Variants in GOT1L1 observed in about 807,000 individuals in gnomAD.
GOT1L1 encodes the protein aspartate aminotransferase, cytoplasmic 2.
GOT1L1 carries 38 observed loss-of-function variants against 43.6 expected under a neutral mutation model. The ratio of observed to expected loss-of-function variants is 0.87; its 90% CI spans 0.67 to 1.14. GOT1L1 has a LOEUF of 1.14. Among genes scored for constraint, GOT1L1 ranks in the 50% most tolerant of loss-of-function variants. The pLI, the probability that GOT1L1 is intolerant of heterozygous loss-of-function variation, is 0.00. For missense variants in GOT1L1, 482 were observed against 504.0 expected (o/e 0.96, Z 0.42); for synonymous variants, 183 against 187.2 (o/e 0.98, Z 0.18).
Position 37,937,553 on chromosome 8 carries a change from G to A in GOT1L1, c.409+85C>T, listed in dbSNP as rs1807796715. 3 of 1,114,008 alleles carry A rather than the reference G, an allele frequency of 2.7e-6. No homozygotes were observed. In the Admixed American group the frequency reaches 6.0e-5, roughly 22 times the overall value. 69.0% of individuals were successfully genotyped at this position (1,114,008 alleles called of 1,614,324 possible). ...CATTTTGCTCATGACAGAGAATGAG[G>A]GATAACAGTGAAGATGGCAAATGGG... On this transcript the variant is annotated intron_variant, in intron 3 of 8. Coordinates refer to ENST00000307599, the MANE Select transcript of GOT1L1 (RefSeq NM_152413.3).
In GOT1L1 at chr8:37,937,047, T is replaced by A; in HGVS notation, c.530A>T (p.His177Leu). Residue 177 changes from histidine to leucine, a missense_variant, in exon 5 of 9, where the codon CAT becomes CTT. Physicochemically the swap from His to Leu is moderately conservative, Grantham distance 99. Transcript: ENST00000307599. ...ILLNVVEQIP[H>L]GCVLVMGNII... ...GTTCCCCATCACAAGGACACAGCCA[T>A]GTGGGATCTGCTGCAGGTACAGACG... 1 of 1,613,762 alleles carries A rather than the reference T, an allele frequency of 6.2e-7. No individual in the cohort carries two copies. The highest frequency in any genetic ancestry group is 1.1e-5 in the South Asian group (1 of 91,076).
intron 6 of GOT1L1, 102 bp downstream of exon 6, chr8:37,936,618 T>A (rs1411642435): frequency 1.5e-5 from 16 of 1,061,992 alleles, no homozygotes; most frequent in Non-Finnish European, 2.1e-5. Context: ...CTCCCTAGAG[T>A]CCTTGGCTCC....
chr8:37,940,021 G>A lies in GOT1L1; in HGVS notation c.9C>T (p.Thr3=). The A allele has an allele frequency of 1.9e-6, 3 of 1,612,958 alleles. No homozygotes were observed. The highest frequency in any genetic ancestry group is 2.5e-6 in the Non-Finnish European group (3 of 1,179,362). ...GGGGCACATCCATGAACACTGAAAG[G>A]GTGGGCATAACTGAAACGAAACTGG... MP[T]LSVFMDVPLA... is the part of the protein sequence containing the mutation. The change falls in exon 1 of 9, where the codon ACC becomes ACT. Residue 3 remains threonine, a synonymous_variant. Coordinates refer to ENST00000307599, the MANE Select transcript of GOT1L1 (RefSeq NM_152413.3).
chr8:37,937,654 G>T lies in GOT1L1; in HGVS notation c.393C>A (p.Ile131=), dbSNP rs1292689508. ...AWHKDARIVY[I]ISSQKELHGL... ...AAGACTAACCTTTTTGAGAAGAGAT[G>T]ATGTAAACTATACGAGCATCCTTAT... The change falls in exon 3 of 9, where the codon ATC becomes ATA. Residue 131 remains isoleucine (I), a synonymous_variant. Transcript: ENST00000307599. The T allele has an allele frequency of 3.1e-6, 5 of 1,609,210 alleles. No homozygotes were observed. The highest frequency in any genetic ancestry group is 4.2e-6 in the Non-Finnish European group (5 of 1,176,930).
chr8:37,939,431 AATATATAT>A (rs1188997870), intron 1 of GOT1L1, among the ~76,000 whole-genome samples: 43 of 41,614 alleles, frequency 1.0e-3, no homozygotes, highest in African/African-American at 3.2e-3. Context: ...AAAAAAAAAA[AATATATAT>A]ATATATATAT....
chr8:37,935,836 A>G lies in GOT1L1; in HGVS notation c.797T>C (p.Val266Ala), dbSNP rs377607888. The G allele has an allele frequency of 1.2e-6, 2 of 1,613,014 alleles. No homozygotes were observed. Among genetic ancestry groups the G allele is most frequent in the Non-Finnish European group, 1.7e-6 (2 of 1,179,454 alleles). The change falls in exon 7 of 9, where the codon GTC (valine) becomes GCC (alanine). Residue 266 changes from valine (V) to alanine (A), a missense_variant. Val to Ala is a moderately conservative substitution (Grantham distance 64). Transcript: ENST00000307599. ...GACACACAGCAGCTGCTGGTTGTTG[A>G]CTGCCACCACCACTAGCATCCCCAC... is the stretch of plus-strand genomic sequence containing the variant. Reference protein sequence around the residue: ...EGVGMLVVVAVNNQQLLCVLS... With the variant: ...EGVGMLVVVAANNQQLLCVLS...
rs1188997870 is a variant in GOT1L1 at position 37,939,431 on chromosome 8, A to AATATATATATAT, written c.115+472_115+483dup. ...CCTGTCTCAAGAAAAAAAAAAAAAA[A>AATATATATATAT]ATATATATATATATATATATATATA... On this transcript the variant is annotated intron_variant, in intron 1 of 8. Transcript: ENST00000307599. Among the ~76,000 whole-genome samples the AATATATATATAT allele has an allele frequency of 1.4e-3, 59 of 41,632 alleles. 1 individual carries two copies. The highest frequency in any genetic ancestry group is 0.017 in the Middle Eastern group (1 of 58). The allele number at this position is 41,632 out of a possible 152,430, so 27.3% of individuals were successfully genotyped here. A position where few individuals can be genotyped will look rare whatever the true frequency, so the allele number is the denominator to read the frequency against.
At chr8:37,936,891 A>G in intron 5 of GOT1L1, 21 bp from the exon 6 acceptor site, 1 of 1,612,022 alleles carries the variant, frequency 6.2e-7, no homozygotes, top group Non-Finnish European at 8.5e-7. Flanking sequence ...AAGGAGAACA[A>G]AAAAAGAATG....
chr8:37,936,581 G>A, intron 6 of GOT1L1, 139 bp downstream of exon 6: 1 of 702,358 alleles, frequency 1.4e-6, no homozygotes, highest in Non-Finnish European at 2.3e-6. Context: ...CTAGCTCAGT[G>A]CTCCCCACTT....
intron 1 of GOT1L1, among the ~76,000 whole-genome samples, chr8:37,939,431 A>AATATATATATATATATATAT (rs1188997870): frequency 2.4e-5 from 1 of 41,694 alleles, no homozygotes; most frequent in Non-Finnish European, 4.6e-5. Context: ...AAAAAAAAAA[A>AATATATATATATATATATAT]ATATATATAT....
At chr8:37,938,405 T>C (rs1009436407) in intron 2 of GOT1L1, among the ~76,000 whole-genome samples, 2 of 152,020 alleles carry the variant, frequency 1.3e-5, no homozygotes, top group African/African-American at 4.8e-5. Context: ...TCAAAAAATA[T>C]ATATAATAGG....
chr8:37,938,595 C>A, intron 2 of GOT1L1, 105 bp downstream of exon 2: 2 of 985,806 alleles, frequency 2.0e-6, no homozygotes, highest in South Asian at 3.5e-5. Context: ...TCTCTTTTAT[C>A]AATACCAGGG....
chr8:37,934,371 A>C lies in GOT1L1; in HGVS notation c.1188T>G (p.Asn396Lys). 3.1e-6 allele frequency: 5 copies of C among 1,613,056 alleles called. No homozygotes were observed. The highest frequency in any genetic ancestry group is 4.2e-6 in the Non-Finnish European group (5 of 1,179,072). Reference protein sequence around the residue: ...NNINYITEGINEAVLLTESSE... With the variant: ...NNINYITEGIKEAVLLTESSE... ...AGCTCTCTGTGAGGAGGACAGCCTCATTGATGCCCTCAGTGATGTAATTTA... is the reference window on the plus strand; with the variant it reads ...AGCTCTCTGTGAGGAGGACAGCCTCCTTGATGCCCTCAGTGATGTAATTTA... Residue 396 changes from asparagine to lysine, a missense_variant, in exon 9 of 9, where the codon AAT becomes AAG. Coordinates refer to ENST00000307599, the MANE Select transcript of GOT1L1 (RefSeq NM_152413.3).
intron 4 of GOT1L1, 43 bp from the exon 5 acceptor site, chr8:37,937,100 G>T: frequency 1.3e-6 from 2 of 1,578,580 alleles, no homozygotes; most frequent in Non-Finnish European, 1.7e-6. Flanking sequence ...CCCCACCCAG[G>T]AGTGGCGGCC....
intron 8 of GOT1L1, among the ~76,000 whole-genome samples, 171 bp from the exon 9 acceptor site, chr8:37,934,657 G>A (rs1807696907): frequency 1.3e-5 from 2 of 151,942 alleles, no homozygotes; most frequent in South Asian, 4.2e-4. Flanking sequence ...TGCAACCTTC[G>A]CCTCCCAGGT....
At chr8:37,936,271 C>T (rs997125067) in intron 6 of GOT1L1, among the ~76,000 whole-genome samples, 8 of 151,912 alleles carry the variant, frequency 5.3e-5, no homozygotes, top group African/African-American at 1.5e-4. Flanking sequence ...CTCAGCCCCC[C>T]GGGTGGGTAG....
intron 6 of GOT1L1, among the ~76,000 whole-genome samples, chr8:37,936,334 G>T (rs552842049): frequency 6.6e-6 from 1 of 151,680 alleles, no homozygotes; most frequent in Non-Finnish European, 1.5e-5. Flanking sequence ...TGTTTGTAGA[G>T]ACCGGGTCTC....
chr8:37,936,228 C>T (rs1053074375), intron 6 of GOT1L1, among the ~76,000 whole-genome samples: 2 of 152,098 alleles, frequency 1.3e-5, no homozygotes, highest in Admixed American at 6.6e-5. Context: ...CTCACTGCAA[C>T]CTCTACCTCC....
At chr8:37,938,957 A>C in intron 1 of GOT1L1, 76 bp from the exon 2 acceptor site, 1 of 1,356,024 alleles carries the variant, frequency 7.4e-7, no homozygotes, top group Non-Finnish European at 1.0e-6. Flanking sequence ...GACAGCCTGC[A>C]AACAAATCTC....
Sources: allele counts gnomAD v4.1 joint callset (sites outside exome capture counted in the v4.1 genomes callset), GRCh38; gene constraint gnomAD v4.1.1; transcripts MANE v1.5; gene names NCBI Gene and HGNC (gene_info 2026-07-23, HGNC 2026-07-21).